The following DLGAP2 variants were observed in gnomAD, a reference collection of about 807,000 sequenced individuals.
The protein encoded by DLGAP2 is DLG associated protein 2.
A neutral mutation model predicts 100.3 loss-of-function variants in DLGAP2; 26 were observed. The ratio of observed to expected loss-of-function variants is 0.26; its 90% CI spans 0.19 to 0.36. The LOEUF (loss-of-function observed/expected upper bound fraction) is 0.36. Among genes scored for constraint, DLGAP2 ranks in the 10% least tolerant of loss-of-function variants. The pLI is 1.00. For missense variants in DLGAP2, 1,858 were observed against 1,453.2 expected, an observed-to-expected ratio of 1.28 and a Z score of -4.53; for synonymous variants, 886 against 630.1, an observed-to-expected ratio of 1.41 and a Z score of -6.08.
At chr8:1,070,689 C>G (rs1803401360) in intron 2 of DLGAP2, among the ~76,000 whole-genome samples, 1 of 152,190 alleles carries the variant, frequency 6.6e-6, no homozygotes, top group Non-Finnish European at 1.5e-5. Context: ...TCACTCCCTC[C>G]TTACAGAAAA....
intron 12 of DLGAP2, among the ~76,000 whole-genome samples, chr8:1,690,221 T>G (rs1261034205): frequency 1.3e-5 from 2 of 151,582 alleles, no homozygotes; most frequent in Non-Finnish European, 2.9e-5. Context: ...CCAGGCATGG[T>G]GGCATGCACC....
At position 1,565,673 on chromosome 8, in the gene DLGAP2, C is replaced by G. The variant is rs370722015; in HGVS notation, c.1231-10C>G. The G allele has an allele frequency of 1.6e-5, 25 of 1,605,450 alleles. No homozygotes were observed. The highest frequency in any genetic ancestry group is 2.1e-5 in the Non-Finnish European group (25 of 1,174,692). ...AAGTTGATGCGTGTTTCATGTCTGT[C>G]TGCTCCCAGGTACCTCAGGATGAGT... On this transcript the variant is annotated splice_polypyrimidine_tract_variant and intron_variant, in intron 5 of 14. Coordinates refer to ENST00000637795, the MANE Select transcript of DLGAP2 (RefSeq NM_001346810.2).
chr8:1,137,230 C>G (rs1342878018), intron 2 of DLGAP2: 1 of 152,324 alleles, frequency 6.6e-6, no homozygotes, highest in African/African-American at 2.4e-5. Context: ...CCCCTTGTTA[C>G]AAAGACACCA....
intron 6 of DLGAP2, among the ~76,000 whole-genome samples, chr8:1,584,142 T>A (rs534424601): frequency 5.9e-5 from 9 of 152,326 alleles, no homozygotes; most frequent in Admixed American, 2.0e-4. Flanking sequence ...AGGCATTATA[T>A]GTGCTCCTCA....
intron 12 of DLGAP2, among the ~76,000 whole-genome samples, chr8:1,687,959 A>G (rs1036931299): frequency 1.3e-5 from 2 of 152,226 alleles, no homozygotes; most frequent in East Asian, 1.9e-4. Flanking sequence ...CAACATTTCA[A>G]AAGCAAAGAT....
At chr8:1,695,109 CCTT>C (rs1464338693) in intron 13 of DLGAP2, among the ~76,000 whole-genome samples, 1 of 152,214 alleles carries the variant, frequency 6.6e-6, no homozygotes, top group Non-Finnish European at 1.5e-5. Flanking sequence ...CCATGTTCCT[CCTT>C]CATCCCCCAG....
At chr8:1,506,402 T>C (rs369822580) in intron 4 of DLGAP2, among the ~76,000 whole-genome samples, 3 of 152,218 alleles carry the variant, frequency 2.0e-5, no homozygotes, top group African/African-American at 7.2e-5. Flanking sequence ...GTCCGGAGTT[T>C]GTTCCTTTTA....
chr8:904,376 C>T (rs1224293232), intron 1 of DLGAP2, among the ~76,000 whole-genome samples: 2 of 152,120 alleles, frequency 1.3e-5, no homozygotes, highest in Non-Finnish European at 1.5e-5. Flanking sequence ...AAAAATTAGC[C>T]AGGCGTGGTG....
intron 8 of DLGAP2, among the ~76,000 whole-genome samples, chr8:1,638,461 A>G (rs572339326): frequency 1.3e-5 from 2 of 152,122 alleles, no homozygotes; most frequent in East Asian, 1.9e-4. Flanking sequence ...ACATGAATCA[A>G]TGTTGCTCTG....
chr8:1,256,636 G>A (rs531716957), intron 2 of DLGAP2, among the ~76,000 whole-genome samples: 10 of 147,326 alleles, frequency 6.8e-5, no homozygotes, highest in African/African-American at 1.3e-4. Flanking sequence ...TCATGTCCGC[G>A]CCTCCTGCAA....
At chr8:775,699 CCCA>C (rs2132615401) in intron 1 of DLGAP2, among the ~76,000 whole-genome samples, 1 of 102,212 alleles carries the variant, frequency 9.8e-6, no homozygotes, top group South Asian at 4.1e-4. Flanking sequence ...AGGGATGAAG[CCCA>C]CTTGATCATG....
At chr8:833,462 C>G (rs932784820) in intron 1 of DLGAP2, among the ~76,000 whole-genome samples, 2 of 152,172 alleles carry the variant, frequency 1.3e-5, no homozygotes, top group African/African-American at 4.8e-5. Context: ...GAGGGTCCTG[C>G]CTGCCTTGGC....
chr8:1,095,622 C>A (rs562763044), intron 2 of DLGAP2, among the ~76,000 whole-genome samples: 3 of 152,128 alleles, frequency 2.0e-5, no homozygotes, highest in Non-Finnish European at 2.9e-5. Flanking sequence ...GAGTGCTGGG[C>A]GCACAGCCAG....
chr8:1,509,805 C>A (rs1361977801), intron 4 of DLGAP2, among the ~76,000 whole-genome samples: 1 of 152,164 alleles, frequency 6.6e-6, no homozygotes, highest in African/African-American at 2.4e-5. Context: ...AGCAAGTGTT[C>A]AATGTCAGTT....
intron 1 of DLGAP2, among the ~76,000 whole-genome samples, chr8:772,631 G>C (rs563648185): frequency 3.3e-5 from 5 of 152,286 alleles, no homozygotes; most frequent in African/African-American, 9.6e-5. Context: ...CCTTAATAGA[G>C]TATTTTACTG....
chr8:1,051,639 T>C (rs1436889923), intron 2 of DLGAP2, among the ~76,000 whole-genome samples: 2 of 152,220 alleles, frequency 1.3e-5, no homozygotes, highest in Admixed American at 1.3e-4. Context: ...TTAAATGGAC[T>C]GATTTTGGGA....
At chr8:1,178,457 G>C (rs1461078577) in intron 2 of DLGAP2, among the ~76,000 whole-genome samples, 1 of 152,144 alleles carries the variant, frequency 6.6e-6, no homozygotes, top group Admixed American at 6.5e-5. Context: ...TCCTGCTTCT[G>C]CTATAATAAT....
intron 2 of DLGAP2, among the ~76,000 whole-genome samples, chr8:1,254,313 C>A (rs750589103): frequency 2.6e-5 from 4 of 152,186 alleles, no homozygotes; most frequent in Non-Finnish European, 5.9e-5. Flanking sequence ...TCTGATGGGT[C>A]CATCAAGGCC....
At chr8:743,561 G>A (rs1820540253) in intron 1 of DLGAP2, among the ~76,000 whole-genome samples, 1 of 152,104 alleles carries the variant, frequency 6.6e-6, no homozygotes, top group Non-Finnish European at 1.5e-5. Context: ...CCTCTTCTTG[G>A]TATTTATTTA....
Sources: allele counts gnomAD v4.1 joint callset (sites outside exome capture counted in the v4.1 genomes callset), GRCh38; gene constraint gnomAD v4.1.1; transcripts MANE v1.5; gene names NCBI Gene and HGNC (gene_info 2026-07-23, HGNC 2026-07-21).